The following RNLS variants were observed in gnomAD, a reference collection of about 807,000 sequenced individuals.
RNLS encodes renalase.
A neutral mutation model predicts 39.8 loss-of-function variants in RNLS; 39 were observed. The ratio of observed to expected loss-of-function variants is 0.98; its 90% confidence interval spans 0.76 to 1.28. The LOEUF (loss-of-function observed/expected upper bound fraction) is 1.28. Ranked by LOEUF, RNLS falls within the 50% of genes most tolerant of loss-of-function variation. The pLI, the probability that RNLS is intolerant of heterozygous loss-of-function variation, is 0.00. For missense variants in RNLS, 410 were observed against 413.3 expected (o/e 0.99, Z 0.07); for synonymous variants, 147 against 150.7 (o/e 0.98, Z 0.18).
At chr10:88,285,780 A>C (rs1415218878) in intron 6 of RNLS, among the ~76,000 whole-genome samples, 1 of 152,126 alleles carries the variant, frequency 6.6e-6, no homozygotes, top group Non-Finnish European at 1.5e-5. Flanking sequence ...CTGAACTTCA[A>C]AATTAGTAGG....
chr10:88,358,337 T>C (rs752237522), intron 5 of RNLS, among the ~76,000 whole-genome samples: 2 of 152,160 alleles, frequency 1.3e-5, no homozygotes, highest in East Asian at 1.9e-4. Flanking sequence ...GTGTGAAGCA[T>C]GAAAGGTGAC....
chr10:88,360,411 G>C (rs922261164), intron 5 of RNLS, among the ~76,000 whole-genome samples: 2 of 152,038 alleles, frequency 1.3e-5, no homozygotes, highest in African/African-American at 4.8e-5. Flanking sequence ...CTTCTGTAAA[G>C]ATTTCCTTGA....
rs10583088 is a variant in RNLS, at chr10:88,575,214, G to GTA, written c.368-2155_368-2154dup. ...ATATATACTATATATATATGTGTGT[G>GTA]TATATATATATATATATATACACAT... On this transcript the variant is annotated intron_variant, in intron 3 of 6. Coordinates refer to ENST00000331772, the MANE Select transcript of RNLS (RefSeq NM_001031709.3). 5.8e-3 allele frequency among the ~76,000 whole-genome samples: 748 copies of GTA among 128,646 alleles called. 3 individuals are homozygous for GTA. Among genetic ancestry groups the GTA allele is most frequent in the Non-Finnish European group, 7.3e-3 (460 of 63,104 alleles). The allele number at this position is 128,646 out of a possible 152,430, so 84.4% of individuals were successfully genotyped here. A position where few individuals can be genotyped will look rare whatever the true frequency, so the allele number is the denominator to read the frequency against.
chr10:88,172,842 G>GGTTTTTTT, the RNLS span, among the ~76,000 whole-genome samples: 1 of 43,778 alleles, frequency 2.3e-5, no homozygotes, highest in African/African-American at 1.2e-4. Flanking sequence ...ATTTTGAGTT[G>GGTTTTTTT]TTTTTTTTTT....
rs770247793 is a variant in RNLS, at chr10:88,572,957, C to A, written c.472G>T (p.Val158Phe). The change falls in exon 4 of 7, where the codon GTT becomes TTT. Residue 158 changes from valine to phenylalanine, a missense_variant. Physicochemically the swap from Val to Phe is conservative, Grantham distance 50. Transcript: ENST00000331772. ...ATCTCAGGAACTGGCATTGTGAGAA[C>A]AATAAGATCAAACTGCTCAGGGGAG... is the stretch of plus-strand genomic sequence containing the variant. ...TGSPEQFDLI[V>F]LTMPVPEILQ... 1 of 1,614,030 alleles carries A rather than the reference C, an allele frequency of 6.2e-7. No homozygotes were observed. The highest frequency in any genetic ancestry group is 8.5e-7 in the Non-Finnish European group (1 of 1,179,928).
intron 4 of RNLS, among the ~76,000 whole-genome samples, chr10:88,406,302 A>AC (rs1853264966): frequency 6.6e-6 from 1 of 151,940 alleles, no homozygotes; most frequent in African/African-American, 2.4e-5. Flanking sequence ...TTCCTCGATT[A>AC]CCCCCCAAAT....
the RNLS span, among the ~76,000 whole-genome samples, chr10:88,252,914 T>C: frequency 2.6e-5 from 4 of 152,132 alleles, no homozygotes; most frequent in Non-Finnish European, 5.9e-5. Flanking sequence ...CACTGCTGAG[T>C]TGCACAAGTT....
chr10:88,566,833 AGAG>A (rs1564906690), intron 4 of RNLS, among the ~76,000 whole-genome samples: 1 of 152,174 alleles, frequency 6.6e-6, no homozygotes, highest in Non-Finnish European at 1.5e-5. Context: ...TACCTAAATA[AGAG>A]AAGAGCTGAA....
chr10:88,434,656 C>T (rs917178719), intron 4 of RNLS, among the ~76,000 whole-genome samples: 1 of 152,074 alleles, frequency 6.6e-6, no homozygotes, highest in African/African-American at 2.4e-5. Flanking sequence ...TGTGATTATA[C>T]ATAAACTTAA....
chr10:88,573,055 T>G lies in RNLS; in HGVS notation c.374A>C (p.Glu125Ala), dbSNP rs1424501642. Residue 125 changes from glutamate to alanine, a missense_variant, in exon 4 of 7, where the codon GAA becomes GCA. Glu to Ala is a moderately radical substitution (Grantham distance 107). Transcript: ENST00000331772. The part of the protein sequence containing the change: ...IKHYLKESGA[E>A]VYFRHRVTQI... ...TGTCACACGATGTCTGAAGTAGACTTCTGCACCTGTTCCAAAAGCAAAATC... is the reference window on the plus strand; with the variant it reads ...TGTCACACGATGTCTGAAGTAGACTGCTGCACCTGTTCCAAAAGCAAAATC... The G allele has an allele frequency of 6.2e-7, 1 of 1,613,322 alleles. No individual in the cohort carries two copies. The highest frequency in any genetic ancestry group is 8.5e-7 in the Non-Finnish European group (1 of 1,179,600).
At chr10:88,558,534 G>C (rs990204167) in intron 4 of RNLS, among the ~76,000 whole-genome samples, 1 of 152,090 alleles carries the variant, frequency 6.6e-6, no homozygotes, top group Non-Finnish European at 1.5e-5. Flanking sequence ...GTCCTGCCAG[G>C]AGCAGAAGTG....
chr10:88,364,807 G>T (rs1849921506), intron 4 of RNLS, among the ~76,000 whole-genome samples: 1 of 152,006 alleles, frequency 6.6e-6, no homozygotes, highest in Non-Finnish European at 1.5e-5. Context: ...TGCTTTTAAA[G>T]TTATGGCTTG....
At chr10:88,420,786 C>T (rs1181560146) in intron 4 of RNLS, among the ~76,000 whole-genome samples, 1 of 152,172 alleles carries the variant, frequency 6.6e-6, no homozygotes, top group African/African-American at 2.4e-5. Context: ...ACTACAATAG[C>T]AGTTTGAGTT....
At chr10:88,447,085 C>T (rs1359855376) in intron 4 of RNLS, among the ~76,000 whole-genome samples, 1 of 152,210 alleles carries the variant, frequency 6.6e-6, no homozygotes, top group East Asian at 1.9e-4. Context: ...TGGAAGCATT[C>T]CCTTTGAAAA....
At chr10:88,536,830 C>T (rs1005516206) in intron 4 of RNLS, among the ~76,000 whole-genome samples, 5 of 152,176 alleles carry the variant, frequency 3.3e-5, no homozygotes, top group South Asian at 2.1e-4. Flanking sequence ...CAACTTTCCC[C>T]TTACCTTTAC....
rs544521404 is a variant in RNLS, at chr10:88,534,735, T to C, written c.526+38168A>G. Among the ~76,000 whole-genome samples, 4 of 152,300 alleles carry C rather than the reference T, an allele frequency of 2.6e-5. No individual in the cohort carries two copies. The East Asian group carries it at 7.7e-4, about 29-fold the overall frequency. ...GGCTAAATGAATAAATCTCAACTTG[T>C]ATTCTTAGAAAGGACCAAAAGCAGG... On this transcript the variant is annotated intron_variant, in intron 4 of 6. Transcript: ENST00000331772.
intron 5 of RNLS, among the ~76,000 whole-genome samples, chr10:88,341,361 A>G (rs1414891788): frequency 1.3e-5 from 2 of 151,694 alleles, no homozygotes; most frequent in African/African-American, 4.8e-5. Flanking sequence ...GAATGAGAAC[A>G]AACAAGAATA....
At chr10:88,401,320 G>GTCT (rs1412995552) in intron 4 of RNLS, among the ~76,000 whole-genome samples, 2 of 151,966 alleles carry the variant, frequency 1.3e-5, no homozygotes, top group African/African-American at 4.8e-5. Context: ...ATTGAGACAG[G>GTCT]TCTTTATAAC....
the RNLS span, among the ~76,000 whole-genome samples, chr10:88,183,361 A>G: frequency 6.6e-6 from 1 of 152,178 alleles, no homozygotes; most frequent in Non-Finnish European, 1.5e-5. Context: ...TTTCACTTTC[A>G]CACAACTTCA....
Sources: allele counts gnomAD v4.1 joint callset (sites outside exome capture counted in the v4.1 genomes callset), GRCh38; gene constraint gnomAD v4.1.1; transcripts MANE v1.5; gene names NCBI Gene and HGNC (gene_info 2026-07-23, HGNC 2026-07-21).